DNER: variants seen among roughly 807,000 people sequenced by gnomAD.
The protein encoded by DNER is delta and Notch-like epidermal growth factor-related receptor.
A neutral mutation model predicts 78.2 loss-of-function variants in DNER; 33 were observed. The observed-to-expected ratio is 0.42, with a 90% confidence interval of 0.32 to 0.56. The LOEUF is 0.56. Ranked by LOEUF, DNER falls within the 20% of genes least tolerant of loss-of-function variation. The probability of loss-of-function intolerance (pLI) is 0.11; values close to 1 mark genes in which losing one functional copy is unlikely to be tolerated. For missense variants in DNER, 918 were observed against 975.3 expected, an observed-to-expected ratio of 0.94 and a Z score of 0.78; for synonymous variants, 417 against 384.8, an observed-to-expected ratio of 1.08 and a Z score of -0.98.
chr2:229,676,848 G>A (rs1468865), intron 1 of DNER, among the ~76,000 whole-genome samples: 1,993 of 152,270 alleles, frequency 0.013, 54 homozygotes, highest in African/African-American at 0.045. Flanking sequence ...GTCACCCAGT[G>A]TAGGGTTTGG....
At chr2:229,545,894 G>A (rs1696618408) in intron 5 of DNER, among the ~76,000 whole-genome samples, 1 of 152,104 alleles carries the variant, frequency 6.6e-6, no homozygotes, top group African/African-American at 2.4e-5. Flanking sequence ...TCATAGCCAG[G>A]GAAATGCGAA....
chr2:229,702,627 C>A (rs757041184), intron 1 of DNER, among the ~76,000 whole-genome samples: 3 of 151,364 alleles, frequency 2.0e-5, no homozygotes, highest in Non-Finnish European at 4.4e-5. Context: ...GGTTAAGAAT[C>A]CTGGTTCTGG....
chr2:229,663,758 T>C (rs1170415531), intron 1 of DNER, among the ~76,000 whole-genome samples: 1 of 152,216 alleles, frequency 6.6e-6, no homozygotes, highest in Non-Finnish European at 1.5e-5. Context: ...AAGAGGGTAC[T>C]GTCACACCAG....
intron 1 of DNER, among the ~76,000 whole-genome samples, chr2:229,642,285 T>C (rs1225900103): frequency 2.6e-5 from 4 of 152,170 alleles, no homozygotes; most frequent in Admixed American, 6.5e-5. Context: ...ACAATTATTT[T>C]CATTTTTACC....
intron 1 of DNER, among the ~76,000 whole-genome samples, chr2:229,593,383 T>C (rs542069863): frequency 6.6e-6 from 1 of 152,290 alleles, no homozygotes; most frequent in African/African-American, 2.4e-5. Context: ...TCTCCAGACG[T>C]TGCACGGCTT....
At chr2:229,559,684 C>T (rs1195620026) in intron 4 of DNER, among the ~76,000 whole-genome samples, 3 of 152,154 alleles carry the variant, frequency 2.0e-5, no homozygotes, top group East Asian at 1.9e-4. Context: ...ACTTGAGAGG[C>T]TCACTTCTAT....
At chr2:229,651,970 T>C (rs544294549) in intron 1 of DNER, among the ~76,000 whole-genome samples, 1 of 152,140 alleles carries the variant, frequency 6.6e-6, no homozygotes, top group Non-Finnish European at 1.5e-5. Context: ...GGGAACATAG[T>C]GGATTTGTCT....
chr2:229,383,554 G>T (rs141438502), intron 11 of DNER, among the ~76,000 whole-genome samples: 4,463 of 152,112 alleles, frequency 0.029, 94 homozygotes, highest in African/African-American at 0.06. Context: ...CAAAATAAAG[G>T]GATGGAGGAA....
intron 4 of DNER, among the ~76,000 whole-genome samples, chr2:229,577,047 A>G (rs1013323367): frequency 1.3e-5 from 2 of 152,130 alleles, no homozygotes; most frequent in Admixed American, 6.5e-5. Flanking sequence ...AAGGGTCGTG[A>G]AGCTGGGACT....
chr2:229,507,522 G>T (rs928978356), intron 6 of DNER, among the ~76,000 whole-genome samples: 1 of 152,068 alleles, frequency 6.6e-6, no homozygotes, highest in African/African-American at 2.4e-5. Flanking sequence ...TCAAATCAAT[G>T]GTTTAACCAT....
intron 6 of DNER, among the ~76,000 whole-genome samples, chr2:229,497,551 G>C (rs1695523532): frequency 1.3e-5 from 2 of 150,896 alleles, no homozygotes; most frequent in South Asian, 4.2e-4. Context: ...ACTTTAGCTA[G>C]ACTAACAAAG....
At chr2:229,369,232 A>G (rs759708252) in intron 11 of DNER, among the ~76,000 whole-genome samples, 15 of 151,868 alleles carry the variant, frequency 9.9e-5, no homozygotes, top group Admixed American at 3.3e-4. Context: ...AAAGGTTTTA[A>G]CTTCCTAAAA....
intron 11 of DNER, among the ~76,000 whole-genome samples, chr2:229,380,036 T>A (rs1339289974): frequency 6.6e-6 from 1 of 152,208 alleles, no homozygotes; most frequent in Non-Finnish European, 1.5e-5. Context: ...TTTGGCTGCA[T>A]GAACCAAGAA....
At chr2:229,519,618 A>G (rs898809983) in intron 5 of DNER, among the ~76,000 whole-genome samples, 1 of 152,008 alleles carries the variant, frequency 6.6e-6, no homozygotes, top group African/African-American at 2.4e-5. Context: ...TCAAGGCTTG[A>G]ACTCACATTG....
chr2:229,615,393 A>G (rs1698134315), intron 1 of DNER, among the ~76,000 whole-genome samples: 2 of 141,562 alleles, frequency 1.4e-5, no homozygotes, highest in African/African-American at 5.4e-5. Context: ...CCTGAGCCAC[A>G]AGAGCAAAAC....
intron 4 of DNER, among the ~76,000 whole-genome samples, chr2:229,547,905 A>T (rs536252380): frequency 8.9e-4 from 136 of 152,376 alleles, no homozygotes; most frequent in African/African-American, 3.0e-3. Flanking sequence ...AATAAATATT[A>T]TAAGTATTTT....
In DNER at chr2:229,538,828, C is replaced by T. The variant is rs1257300579; in HGVS notation, c.993+8119G>A. 3.9e-5 allele frequency among the ~76,000 whole-genome samples: 6 copies of T among 152,178 alleles called. No homozygotes were observed. In the East Asian group the frequency reaches 5.8e-4, roughly 15 times the overall value. On this transcript the variant is annotated intron_variant, in intron 5 of 12. Transcript: ENST00000341772. ...TGCTGGGATTACAGGCGTGAGCCCC[C>T]GTGCCCGGCCCAAGAAAAATAATTT...
intron 4 of DNER, among the ~76,000 whole-genome samples, chr2:229,573,688 G>T (rs1232864558): frequency 6.6e-6 from 1 of 152,180 alleles, no homozygotes; most frequent in South Asian, 2.1e-4. Context: ...AAATGGAAAT[G>T]AAATCAGGAA....
In DNER at chr2:229,410,579, G is replaced by A. The variant is rs143412356; in HGVS notation, c.1610-3234C>T. Reference sequence around the variant, plus strand: ...CACCCATTGGCAGAAGACACAGCACGTACTATTACAAAGCTGATGTTTAGT... The same window carrying A: ...CACCCATTGGCAGAAGACACAGCACATACTATTACAAAGCTGATGTTTAGT... On this transcript the variant is annotated intron_variant, in intron 9 of 12. Coordinates refer to ENST00000341772, the MANE Select transcript of DNER (RefSeq NM_139072.4). Among the ~76,000 whole-genome samples the A allele has an allele frequency of 3.9e-3, 595 of 152,280 alleles. 10 individuals carry two copies. Among genetic ancestry groups the A allele is most frequent in the African/African-American group, 0.013 (544 of 41,550 alleles).
Sources: gnomAD v4.1 joint callset for allele counts (sites outside exome capture counted in the v4.1 genomes callset) on GRCh38, gnomAD v4.1.1 for gene constraint, MANE v1.5 for transcripts, NCBI Gene and HGNC (gene_info 2026-07-23, HGNC 2026-07-21) for gene names.